Variants in RBFOX3 observed in about 807,000 individuals in gnomAD.
The protein encoded by RBFOX3 is RNA binding fox-1 homolog 3.
In RBFOX3, 17 loss-of-function variants were observed where a neutral mutation model predicts 48.7. The observed-to-expected ratio is 0.35, with a 90% CI of 0.24 to 0.52. The LOEUF (loss-of-function observed/expected upper bound fraction) is 0.52, where lower values mean the gene tolerates loss of function less well. Ranked by LOEUF, RBFOX3 falls within the 20% of genes least tolerant of loss-of-function variation. The probability of loss-of-function intolerance (pLI) is 0.94; values close to 1 mark genes in which losing one functional copy is unlikely to be tolerated. For missense variants in RBFOX3, 382 were observed against 497.5 expected, an observed-to-expected ratio of 0.77 and a Z score of 2.21; for synonymous variants, 212 against 209.5, an observed-to-expected ratio of 1.01 and a Z score of -0.10.
chr17:79,287,906 A>G (rs551830971), intron 3 of RBFOX3, among the ~76,000 whole-genome samples: 41 of 152,246 alleles, frequency 2.7e-4, no homozygotes, highest in African/African-American at 9.6e-4. Flanking sequence ...ACATTGCGGC[A>G]CGTCGCAGAC....
chr17:79,621,035 G>C, the RBFOX3 span, among the ~76,000 whole-genome samples: 1 of 143,452 alleles, frequency 7.0e-6, no homozygotes, highest in Non-Finnish European at 1.5e-5. Context: ...GTCTCATTCT[G>C]TTGCCCAGGT....
chr17:79,460,403 C>T (rs1555748059), intron 2 of RBFOX3, among the ~76,000 whole-genome samples: 1 of 152,204 alleles, frequency 6.6e-6, no homozygotes, highest in Non-Finnish European at 1.5e-5. Context: ...CACACTCCCA[C>T]CACAGTCAGC....
the RBFOX3 span, among the ~76,000 whole-genome samples, chr17:79,618,828 G>T: frequency 6.6e-6 from 1 of 152,160 alleles, no homozygotes; most frequent in African/African-American, 2.4e-5. Flanking sequence ...ATCTCCCTCA[G>T]CAAGAGGCAA....
In RBFOX3 at chr17:79,101,630, C is replaced by T. The variant is rs776142495; in HGVS notation, c.522G>A (p.Thr174=). ...TCTTCTTGTTGGTCATCACTCGGGCCGTGGCATTATTGACCTGTTCAAAGA... is the reference window on the plus strand; with the variant it reads ...TCTTCTTGTTGGTCATCACTCGGGCTGTGGCATTATTGACCTGTTCAAAGA... ...EGRKIEVNNA[T]ARVMTNKKTG... The change falls in exon 9 of 15, where the codon ACG becomes ACA. Residue 174 remains threonine, a synonymous_variant. Coordinates refer to ENST00000693108, the MANE Select transcript of RBFOX3 (RefSeq NM_001350451.2). 1.1e-5 allele frequency: 17 copies of T among 1,551,254 alleles called. No individual in the cohort carries two copies. Among genetic ancestry groups the T allele is most frequent in the African/African-American group, 2.7e-5 (2 of 73,150 alleles).
intron 2 of RBFOX3, among the ~76,000 whole-genome samples, chr17:79,388,494 G>A (rs554009041): frequency 2.0e-5 from 3 of 152,268 alleles, no homozygotes; most frequent in East Asian, 1.9e-4. Context: ...ACCTGCATGC[G>A]CCTTACTTAG....
intron 2 of RBFOX3, among the ~76,000 whole-genome samples, chr17:79,388,432 A>G (rs570726497): frequency 8.5e-5 from 13 of 152,318 alleles, no homozygotes; most frequent in African/African-American, 2.9e-4. Context: ...CCTGTTCCCT[A>G]CTTCTTCCAA....
intron 1 of RBFOX3, among the ~76,000 whole-genome samples, chr17:79,519,861 G>T (rs893242945): frequency 6.6e-6 from 1 of 152,138 alleles, no homozygotes; most frequent in African/African-American, 2.4e-5. Flanking sequence ...TGGCTGCTGC[G>T]AGAGGACCAG....
In RBFOX3 at chr17:79,479,521, G is replaced by T. The variant is rs1358670660; in HGVS notation, c.-175+2933C>A. Among the ~76,000 whole-genome samples, 1 of 152,308 alleles carries T rather than the reference G, an allele frequency of 6.6e-6. No individual in the cohort carries two copies. The highest frequency in any genetic ancestry group is 1.5e-5 in the Non-Finnish European group (1 of 68,024). ...TTTTAGAAAAGGAAGACTCTGAAAGGCAGATTCCTCACTTCACAATTCAGA... is the reference window on the plus strand; with the variant it reads ...TTTTAGAAAAGGAAGACTCTGAAAGTCAGATTCCTCACTTCACAATTCAGA... On this transcript the variant is annotated intron_variant, in intron 2 of 14. Transcript: ENST00000693108. This position sits in a 1 kb window ranked among gnomAD's most constrained non-coding sequence, Gnocchi z 5.1.
At chr17:79,271,985 G>A (rs1010912484) in intron 3 of RBFOX3, among the ~76,000 whole-genome samples, 1 of 152,258 alleles carries the variant, frequency 6.6e-6, no homozygotes, top group Non-Finnish European at 1.5e-5. Flanking sequence ...CCTTCCCGCG[G>A]AATATATGTC....
chr17:79,096,842 G>C lies in RBFOX3; in HGVS notation c.756-9C>G. ...GCGTTTGCTCCAGTGCCCTGTTTTGGTATAACAATAGAGTAACACCCTTGC... is the reference window on the plus strand; with the variant it reads ...GCGTTTGCTCCAGTGCCCTGTTTTGCTATAACAATAGAGTAACACCCTTGC... On this transcript the variant is annotated splice_polypyrimidine_tract_variant and intron_variant, in intron 11 of 14. Coordinates refer to ENST00000693108, the MANE Select transcript of RBFOX3 (RefSeq NM_001350451.2). 1 of 721,180 alleles carries C rather than the reference G, an allele frequency of 1.4e-6. No individual in the cohort carries two copies. 44.7% of individuals were successfully genotyped at this position (721,180 alleles called of 1,614,324 possible).
chr17:79,119,973 G>C (rs897272556), intron 4 of RBFOX3, among the ~76,000 whole-genome samples: 1 of 152,216 alleles, frequency 6.6e-6, no homozygotes, highest in Non-Finnish European at 1.5e-5. Flanking sequence ...TCCTGATAGG[G>C]TACGTGAATG....
intron 2 of RBFOX3, among the ~76,000 whole-genome samples, chr17:79,464,623 C>G (rs1386301915): frequency 2.0e-5 from 3 of 152,220 alleles, no homozygotes; most frequent in African/African-American, 7.2e-5. Flanking sequence ...AGTGAGCAAA[C>G]AAACAAACTG....
chr17:79,319,955 G>T (rs966168347), intron 2 of RBFOX3, among the ~76,000 whole-genome samples: 1 of 147,608 alleles, frequency 6.8e-6, no homozygotes, highest in Non-Finnish European at 1.5e-5. Context: ...TGTCCAGGCT[G>T]CTGGTCTTGT....
chr17:79,201,883 C>T (rs1206384572), intron 4 of RBFOX3, among the ~76,000 whole-genome samples: 3 of 152,196 alleles, frequency 2.0e-5, no homozygotes, highest in Non-Finnish European at 1.5e-5. Context: ...TGAAAAGTTG[C>T]CTTCTACTTT....
At chr17:79,246,064 C>A (rs890914690) in intron 3 of RBFOX3, among the ~76,000 whole-genome samples, 2 of 152,186 alleles carry the variant, frequency 1.3e-5, no homozygotes, top group Admixed American at 1.3e-4. Flanking sequence ...TCAAAAAGCC[C>A]CACTGCCTCA....
At chr17:79,202,098 G>A (rs1357395271) in intron 4 of RBFOX3, among the ~76,000 whole-genome samples, 1 of 152,164 alleles carries the variant, frequency 6.6e-6, no homozygotes, top group African/African-American at 2.4e-5. Flanking sequence ...TCCCCTGGGT[G>A]CACTGACAGG....
rs1436610305 is a variant in RBFOX3, at chr17:79,212,695, C to A, written c.-34+23071G>T. Among the ~76,000 whole-genome samples the A allele has an allele frequency of 6.6e-6, 1 of 152,174 alleles. No individual in the cohort carries two copies. The highest frequency in any genetic ancestry group is 1.5e-5 in the Non-Finnish European group (1 of 68,036). Reference sequence around the variant, plus strand: ...TCAATCACAAATGTCGCTGACAGTCCCCACACTACCACTTGTTTCCCCTTT... The same window carrying A: ...TCAATCACAAATGTCGCTGACAGTCACCACACTACCACTTGTTTCCCCTTT... On this transcript the variant is annotated intron_variant, in intron 4 of 14. Transcript: ENST00000693108. This position sits in a 1 kb window ranked among gnomAD's most constrained non-coding sequence, Gnocchi z 4.7.
At chr17:79,144,791 G>C (rs986911583) in intron 4 of RBFOX3, among the ~76,000 whole-genome samples, 8 of 152,206 alleles carry the variant, frequency 5.3e-5, no homozygotes, top group Non-Finnish European at 1.2e-4. Context: ...CAGAGCTCAG[G>C]TGCCAAAGAC....
At chr17:79,262,202 G>A (rs544270826) in intron 3 of RBFOX3, among the ~76,000 whole-genome samples, 1 of 152,392 alleles carries the variant, frequency 6.6e-6, no homozygotes, top group African/African-American at 2.4e-5. Context: ...GCCAGGCCAA[G>A]CCCGAGATGC....
Sources: allele counts gnomAD v4.1 joint callset (sites outside exome capture counted in the v4.1 genomes callset), GRCh38; gene constraint gnomAD v4.1.1; non-coding constraint Gnocchi (gnomAD v3.1); transcripts MANE v1.5; gene names NCBI Gene and HGNC (gene_info 2026-07-23, HGNC 2026-07-21).